The following STK39 variants were observed in gnomAD, a reference collection of about 807,000 sequenced individuals.
STK39 encodes the protein serine/threonine kinase 39.
In STK39, 20 loss-of-function variants were observed where a neutral mutation model predicts 77.8. The ratio of observed to expected loss-of-function variants is 0.26; its 90% CI spans 0.18 to 0.37. STK39 has a LOEUF of 0.37. Ranked by LOEUF, STK39 falls within the 10% of genes least tolerant of loss-of-function variation. STK39 has a pLI of 1.00. For missense variants in STK39, 479 were observed against 656.5 expected (o/e 0.73, Z 2.95); for synonymous variants, 246 against 234.1 (o/e 1.05, Z -0.47).
chr2:168,013,710 G>A (rs989632141), intron 15 of STK39, among the ~76,000 whole-genome samples: 6 of 152,172 alleles, frequency 3.9e-5, no homozygotes, highest in Non-Finnish European at 8.8e-5. Flanking sequence ...ATTGCGGTTT[G>A]TGACACCAAA....
intron 10 of STK39, among the ~76,000 whole-genome samples, chr2:168,090,463 A>G (rs1257951851): frequency 6.6e-6 from 1 of 152,170 alleles, no homozygotes; most frequent in Non-Finnish European, 1.5e-5. Flanking sequence ...AAGGGATATG[A>G]AGAAAAAGAA....
At chr2:168,025,591 A>G (rs1335309832) in intron 14 of STK39, among the ~76,000 whole-genome samples, 1 of 152,248 alleles carries the variant, frequency 6.6e-6, no homozygotes, top group Non-Finnish European at 1.5e-5. Flanking sequence ...GGCTAAAGAC[A>G]TACAACAGCA....
chr2:168,070,022 C>T (rs759961800), intron 12 of STK39, among the ~76,000 whole-genome samples: 14 of 152,082 alleles, frequency 9.2e-5, no homozygotes, highest in Non-Finnish European at 1.6e-4. Context: ...AGTCATAAAA[C>T]ATGTACTTAT....
intron 10 of STK39, among the ~76,000 whole-genome samples, chr2:168,077,206 G>C (rs929658880): frequency 6.6e-6 from 1 of 152,116 alleles, no homozygotes; most frequent in East Asian, 1.9e-4. Context: ...TGATGAATTA[G>C]TATTCTTTAA....
At chr2:168,174,979 G>C (rs1198918007) in intron 2 of STK39, among the ~76,000 whole-genome samples, 1 of 152,100 alleles carries the variant, frequency 6.6e-6, no homozygotes, top group Non-Finnish European at 1.5e-5. Flanking sequence ...CAGTGACAAT[G>C]TAGGGTGTAA....
intron 17 of STK39, among the ~76,000 whole-genome samples, chr2:167,959,749 A>T (rs536025703): frequency 4.6e-5 from 7 of 152,258 alleles, no homozygotes; most frequent in South Asian, 4.1e-4. Context: ...TTCTCAAGTG[A>T]AATTGGCTTT....
intron 16 of STK39, among the ~76,000 whole-genome samples, chr2:167,980,233 G>A (rs959466543): frequency 6.6e-6 from 1 of 152,194 alleles, no homozygotes; most frequent in Non-Finnish European, 1.5e-5. Flanking sequence ...TAAGCTTCAA[G>A]CTCTCTTTAC....
chr2:168,118,502 C>A (rs1687314265), intron 10 of STK39, among the ~76,000 whole-genome samples: 1 of 150,886 alleles, frequency 6.6e-6, no homozygotes. Context: ...AGACATTCTC[C>A]CTAAATGGGG....
Position 168,197,906 on chromosome 2 carries a change from T to G in STK39, c.209-15816A>C, listed in dbSNP as rs181289426. On this transcript the variant is annotated intron_variant, in intron 1 of 17. Coordinates refer to ENST00000355999, the MANE Select transcript of STK39 (RefSeq NM_013233.3). ...CAAAAAAATTAGCCAGGCATGGTGG[T>G]GGGTGCCTGTAATCCCATCTACTTG... Among the ~76,000 whole-genome samples the G allele has an allele frequency of 2.3e-3, 341 of 151,532 alleles. 3 individuals carry two copies. Among genetic ancestry groups the G allele is most frequent in the African/African-American group, 7.9e-3 (325 of 41,312 alleles).
chr2:168,237,154 C>A (rs1690635216), intron 1 of STK39, among the ~76,000 whole-genome samples: 1 of 152,134 alleles, frequency 6.6e-6, no homozygotes. Flanking sequence ...TTGAAGAGGT[C>A]CTTCACATCC....
chr2:168,041,686 C>A (rs1291316710), intron 14 of STK39, among the ~76,000 whole-genome samples: 3 of 152,186 alleles, frequency 2.0e-5, no homozygotes, highest in African/African-American at 4.8e-5. Context: ...CTAACTTGGA[C>A]TAACTGCTAT....
At chr2:168,031,655 G>A (rs976285404) in intron 14 of STK39, among the ~76,000 whole-genome samples, 1 of 152,190 alleles carries the variant, frequency 6.6e-6, no homozygotes, top group African/African-American at 2.4e-5. Flanking sequence ...ACACAGACAT[G>A]TGCCCGCACA....
intron 10 of STK39, among the ~76,000 whole-genome samples, chr2:168,109,030 G>A (rs780892998): frequency 1.3e-5 from 2 of 152,184 alleles, no homozygotes; most frequent in African/African-American, 2.4e-5. Flanking sequence ...GCTTTGAAGA[G>A]GTTAGGTACC....
intron 16 of STK39, among the ~76,000 whole-genome samples, chr2:167,966,262 A>G (rs114861827): frequency 4.7e-4 from 71 of 152,316 alleles, no homozygotes; most frequent in Admixed American, 2.0e-3. Context: ...TCATCAAGTC[A>G]TTTATGCAAG....
intron 15 of STK39, among the ~76,000 whole-genome samples, chr2:168,015,565 C>A (rs3769423): frequency 0.13 from 20,079 of 152,180 alleles, 2,869 homozygotes; most frequent in African/African-American, 0.35. Context: ...AGCCAGTGCC[C>A]ATGGTCCAGT....
At chr2:168,035,908 C>T (rs9789702) in intron 14 of STK39, among the ~76,000 whole-genome samples, 74,597 of 152,016 alleles carry the variant, frequency 0.49, 19,396 homozygotes, top group Non-Finnish European at 0.56. Flanking sequence ...TCGAACATAA[C>T]ACATTGTAAG....
At chr2:168,069,993 T>C (rs1269039734) in intron 12 of STK39, among the ~76,000 whole-genome samples, 2 of 152,158 alleles carry the variant, frequency 1.3e-5, no homozygotes, top group African/African-American at 4.8e-5. Context: ...AATTAGGATA[T>C]AATGCAAAAT....
chr2:168,191,332 T>C (rs1689334435), intron 1 of STK39, among the ~76,000 whole-genome samples: 1 of 152,210 alleles, frequency 6.6e-6, no homozygotes, highest in Admixed American at 6.5e-5. Context: ...CCAGGGGCAA[T>C]ATACAACCTT....
intron 10 of STK39, among the ~76,000 whole-genome samples, chr2:168,116,781 T>C (rs1378551371): frequency 6.6e-6 from 1 of 152,184 alleles, no homozygotes; most frequent in Admixed American, 6.5e-5. Flanking sequence ...TTACTTTCCA[T>C]TTCCTTCACC....
Sources: gnomAD v4.1 joint callset for allele counts (sites outside exome capture counted in the v4.1 genomes callset) on GRCh38, gnomAD v4.1.1 for gene constraint, MANE v1.5 for transcripts, NCBI Gene and HGNC (gene_info 2026-07-23, HGNC 2026-07-21) for gene names.